The following IFNGR2 variants were observed in gnomAD, a reference collection of about 807,000 sequenced individuals.
IFNGR2 encodes interferon gamma receptor 2.
IFNGR2 carries 15 observed loss-of-function variants against 41.1 expected under a neutral mutation model. The observed-to-expected ratio is 0.37, with a 90% CI of 0.24 to 0.56. The LOEUF is 0.56. Among genes scored for constraint, IFNGR2 ranks in the 20% least tolerant of loss-of-function variants. IFNGR2 has a pLI of 0.81. For synonymous variants in IFNGR2, 161 were observed against 171.6 expected (o/e 0.94, Z 0.48); for missense variants, 362 against 415.7 (o/e 0.87, Z 1.12).
At chr21:33,414,321 G>A (rs1242990864) in intron 1 of IFNGR2, among the ~76,000 whole-genome samples, 1 of 151,184 alleles carries the variant, frequency 6.6e-6, no homozygotes, top group East Asian at 1.9e-4. Context: ...CCTGCAGCTT[G>A]GGCTTTGCGT....
intron 2 of IFNGR2, among the ~76,000 whole-genome samples, chr21:33,417,610 A>T (rs894130764): frequency 3.3e-5 from 5 of 152,238 alleles, no homozygotes; most frequent in African/African-American, 1.2e-4. Context: ...CCCTTTATTT[A>T]AAAAGTATTA....
intron 1 of IFNGR2, among the ~76,000 whole-genome samples, chr21:33,410,457 G>A (rs185457511): frequency 7.4e-4 from 110 of 149,176 alleles, no homozygotes; most frequent in African/African-American, 2.5e-3. Context: ...GAGCCACTGC[G>A]GCCAGCCTAC....
chr21:33,433,774 T>A (rs1056501291), intron 6 of IFNGR2, among the ~76,000 whole-genome samples: 5 of 133,320 alleles, frequency 3.8e-5, no homozygotes, highest in Non-Finnish European at 7.7e-5. Context: ...GTTATGTGTA[T>A]TTTACCACAA....
chr21:33,422,905 A>G (rs2083805250), intron 3 of IFNGR2, among the ~76,000 whole-genome samples: 1 of 149,880 alleles, frequency 6.7e-6, no homozygotes, highest in Non-Finnish European at 1.5e-5. Context: ...AAAAAAAAGC[A>G]AAATAATCCA....
Position 33,403,512 on chromosome 21 carries a change from G to T in IFNGR2, c.-32G>T. 8.3e-7 allele frequency: 1 copy of T among 1,207,544 alleles called. No individual in the cohort carries two copies. The highest frequency in any genetic ancestry group is 1.0e-6 in the Non-Finnish European group (1 of 967,320). 74.8% of individuals were successfully genotyped at this position (1,207,544 alleles called of 1,614,324 possible). A position where few individuals can be genotyped will look rare whatever the true frequency, so the allele number is the denominator to read the frequency against. The stretch of plus-strand genomic sequence containing the variant: ...GCGGACCCCGAGCGGGGCCCCGGCC[G>T]CGACCTGAGCCGCCGCCGAGCGCCC... On this transcript the variant is annotated 5_prime_UTR_variant, in exon 1 of 7. Transcript: ENST00000290219.
At chr21:33,426,844 T>C (rs754691445) in intron 3 of IFNGR2, 40 bp from the exon 4 acceptor site, 4 of 1,518,594 alleles carry the variant, frequency 2.6e-6, no homozygotes, top group South Asian at 1.1e-5. Context: ...ATAATACATA[T>C]GTGTATGTGT....
intron 2 of IFNGR2, among the ~76,000 whole-genome samples, chr21:33,421,124 G>C (rs2083788336): frequency 6.6e-6 from 1 of 152,116 alleles, no homozygotes; most frequent in Non-Finnish European, 1.5e-5. Context: ...TTGAGGTCAG[G>C]AGTTTGAGAC....
chr21:33,432,088 T>C (rs1388105766), intron 4 of IFNGR2, 89 bp from the exon 5 acceptor site: 2 of 1,199,494 alleles, frequency 1.7e-6, no homozygotes, highest in African/African-American at 1.5e-5. Context: ...GGTTGTCGTG[T>C]TCACAGTGAA....
At chr21:33,436,523 G>GACC (rs2083952764) in intron 6 of IFNGR2, among the ~76,000 whole-genome samples, 1 of 152,070 alleles carries the variant, frequency 6.6e-6, no homozygotes, top group Non-Finnish European at 1.5e-5. Context: ...AGGAGTTTGA[G>GACC]ACCAGCGTGG....
At chr21:33,414,855 T>G (rs1364428260) in intron 1 of IFNGR2, 33 bp from the exon 2 acceptor site, 1 of 1,593,636 alleles carries the variant, frequency 6.3e-7, no homozygotes, top group Admixed American at 1.8e-5. Flanking sequence ...TCTCCTCCCT[T>G]CCTCCCTCTT....
intron 2 of IFNGR2, among the ~76,000 whole-genome samples, chr21:33,415,996 C>T (rs1424553513): frequency 6.6e-6 from 1 of 152,166 alleles, no homozygotes; most frequent in Non-Finnish European, 1.5e-5. Context: ...GCTGGGACTA[C>T]AGGCATGAGC....
intron 2 of IFNGR2, among the ~76,000 whole-genome samples, chr21:33,417,110 G>A (rs531601687): frequency 6.8e-6 from 1 of 147,226 alleles, no homozygotes. Context: ...TTTTTTTTCT[G>A]AGACAAGGTC....
intron 2 of IFNGR2, among the ~76,000 whole-genome samples, chr21:33,419,105 CTTAT>C (rs1157614047): frequency 4.6e-5 from 7 of 151,884 alleles, no homozygotes; most frequent in East Asian, 3.8e-4. Flanking sequence ...TTTATTTTAT[CTTAT>C]TTATTTATTT....
chr21:33,428,154 T>C (rs2083856092), intron 4 of IFNGR2, among the ~76,000 whole-genome samples: 1 of 151,718 alleles, frequency 6.6e-6, no homozygotes, highest in African/African-American at 2.4e-5. Context: ...TTCAGAGCCC[T>C]GCTCTTGACC....
At chr21:33,411,537 T>C (rs1298140616) in intron 1 of IFNGR2, 2 of 470,822 alleles carry the variant, frequency 4.2e-6, no homozygotes, top group African/African-American at 2.0e-5. Context: ...AACCTGGGAA[T>C]GTGCTGCCTG....
At chr21:33,422,385 T>G (rs2083800314) in intron 3 of IFNGR2, among the ~76,000 whole-genome samples, 1 of 152,224 alleles carries the variant, frequency 6.6e-6, no homozygotes, top group Admixed American at 6.5e-5. Flanking sequence ...GGATCTTGAT[T>G]TAGACAAACT....
chr21:33,407,089 G>A (rs377472999), intron 1 of IFNGR2, among the ~76,000 whole-genome samples: 1 of 152,102 alleles, frequency 6.6e-6, no homozygotes, highest in Non-Finnish European at 1.5e-5. Flanking sequence ...ATAGAAAAAT[G>A]TAACCAACAG....
At chr21:33,432,956 G>A in intron 6 of IFNGR2, 85 bp downstream of exon 6, 1 of 1,110,636 alleles carries the variant, frequency 9.0e-7, no homozygotes, top group South Asian at 1.3e-5. Context: ...TACAATCTCT[G>A]CTCACTGCAG....
rs1366701907 is a variant in IFNGR2, at chr21:33,414,928, T to G, written c.114T>G (p.Ile38Met). The change falls in exon 2 of 7, where the codon ATT (isoleucine) becomes ATG (methionine). Residue 38 changes from isoleucine to methionine, a missense_variant. By Grantham distance (10) the Ile-to-Met change is conservative (BLOSUM62 1). Transcript: ENST00000290219. ...SQLPAPQHPK[I>M]RLYNAEQVLS... is the part of the protein sequence containing the mutation. ...TGCCCGCTCCTCAGCACCCGAAGATTCGCCTGTACAACGCAGAGCAGGTCC... is the reference window on the plus strand; with the variant it reads ...TGCCCGCTCCTCAGCACCCGAAGATGCGCCTGTACAACGCAGAGCAGGTCC... The G allele has an allele frequency of 6.2e-7, 1 of 1,614,040 alleles. No individual in the cohort carries two copies. The highest frequency in any genetic ancestry group is 8.5e-7 in the Non-Finnish European group (1 of 1,180,034).
Sources: gnomAD v4.1 joint callset for allele counts (sites outside exome capture counted in the v4.1 genomes callset) on GRCh38, gnomAD v4.1.1 for gene constraint, MANE v1.5 for transcripts, NCBI Gene and HGNC (gene_info 2026-07-23, HGNC 2026-07-21) for gene names.